Variants in SMG7 observed in about 807,000 individuals in gnomAD.
SMG7 encodes the protein nonsense-mediated mRNA decay factor SMG7.
A neutral mutation model predicts 148.2 loss-of-function variants in SMG7; 34 were observed. The ratio of observed to expected loss-of-function variants is 0.23; its 90% confidence interval spans 0.17 to 0.31. The LOEUF (loss-of-function observed/expected upper bound fraction) is 0.31, where lower values mean the gene tolerates loss of function less well. Among genes scored for constraint, SMG7 ranks in the 10% least tolerant of loss-of-function variants. The pLI is 1.00. For synonymous variants in SMG7, 492 were observed against 515.1 expected (o/e 0.96, Z 0.61); for missense variants, 1,114 against 1,408.4 (o/e 0.79, Z 3.35).
At chr1:183,513,369 CTT>C (rs1224170251) in intron 2 of SMG7, 16 of 122,716 alleles carry the variant, frequency 1.3e-4, no homozygotes, top group East Asian at 4.5e-4. Context: ...ATCTTTGTTA[CTT>C]TTTTTTTTTT....
In SMG7 at chr1:183,472,627, C is replaced by T; in HGVS notation, c.7C>T (p.Leu3=). Reference sequence around the variant, plus strand: ...GCGGCGGCGGCGGCGGAGGATGAGCCTGCAGAGCGCGCAGTACCTCCGGTG... The same window carrying T: ...GCGGCGGCGGCGGCGGAGGATGAGCTTGCAGAGCGCGCAGTACCTCCGGTG... The part of the protein sequence containing the change: MS[L]QSAQYLRQAE... Residue 3 remains leucine (L), a synonymous_variant, in exon 1 of 23, where the codon CTG becomes TTG. Coordinates refer to ENST00000688051, the MANE Select transcript of SMG7 (RefSeq NM_001375584.1). 6.8e-7 allele frequency: 1 copy of T among 1,464,752 alleles called. No homozygotes were observed. The highest frequency in any genetic ancestry group is 9.1e-7 in the Non-Finnish European group (1 of 1,098,088). The allele number at this position is 1,464,752 out of a possible 1,614,324, so 90.7% of individuals were successfully genotyped here. A position where few individuals can be genotyped will look rare whatever the true frequency, so the allele number is the denominator to read the frequency against.
At chr1:183,519,692 A>G (rs1664329472) in intron 4 of SMG7, among the ~76,000 whole-genome samples, 2 of 152,172 alleles carry the variant, frequency 1.3e-5, no homozygotes, top group Non-Finnish European at 2.9e-5. Flanking sequence ...TGCCACTTTA[A>G]TATATACTCT....
chr1:183,514,746 A>G lies in SMG7; in HGVS notation c.62-1128A>G, dbSNP rs565265473. Among the ~76,000 whole-genome samples, 11 of 152,334 alleles carry G rather than the reference A, an allele frequency of 7.2e-5. No homozygotes were observed. The East Asian group carries it at 1.5e-3, about 21-fold the overall frequency. ...CTTTTACACTTCTTTTTCTTGCCAT[A>G]AGTGAATTAAAGCAGGGTTGACTAA... On this transcript the variant is annotated intron_variant, in intron 2 of 22. Transcript: ENST00000688051.
intron 1 of SMG7, among the ~76,000 whole-genome samples, chr1:183,474,269 G>A (rs887475832): frequency 1.3e-5 from 2 of 152,194 alleles, no homozygotes; most frequent in African/African-American, 4.8e-5. Flanking sequence ...TACCATGAAA[G>A]ATACCAAACG....
intron 1 of SMG7, among the ~76,000 whole-genome samples, chr1:183,476,808 T>C (rs899449073): frequency 6.6e-6 from 1 of 152,130 alleles, no homozygotes; most frequent in Non-Finnish European, 1.5e-5. Flanking sequence ...CCGAATAACA[T>C]TGGGAATTTA....
At chr1:183,477,915 T>C (rs1306695679) in intron 1 of SMG7, among the ~76,000 whole-genome samples, 2 of 152,162 alleles carry the variant, frequency 1.3e-5, no homozygotes, top group Non-Finnish European at 2.9e-5. Flanking sequence ...GTTACTAATA[T>C]AACAGCCACA....
intron 1 of SMG7, among the ~76,000 whole-genome samples, chr1:183,490,049 T>C (rs1656554980): frequency 6.6e-6 from 1 of 152,204 alleles, no homozygotes; most frequent in Non-Finnish European, 1.5e-5. Context: ...GATCCAGGGC[T>C]AGTTTTTGAA....
chr1:183,494,055 A>T (rs2102238501), intron 1 of SMG7, among the ~76,000 whole-genome samples: 1 of 151,976 alleles, frequency 6.6e-6, no homozygotes, highest in African/African-American at 2.4e-5. Flanking sequence ...TGACACCATC[A>T]TGGCTCACTG....
intron 18 of SMG7, 102 bp downstream of exon 18, chr1:183,547,354 T>C: frequency 4.5e-6 from 5 of 1,118,128 alleles, no homozygotes; most frequent in Non-Finnish European, 6.2e-6. Flanking sequence ...CCTGGGGCTG[T>C]CCTTTTCAGA....
Position 183,545,964 on chromosome 1 carries a change from A to C in SMG7, c.2371-2A>C. 1 of 1,573,442 alleles carries C rather than the reference A, an allele frequency of 6.4e-7. No individual in the cohort carries two copies. The highest frequency in any genetic ancestry group is 8.6e-7 in the Non-Finnish European group (1 of 1,165,182). ...CCTTTATGACAGGCGTCTCTTTTTT[A>C]GTATCAACAGGCAGATGCCTCCAAA... On this transcript the variant is annotated splice_acceptor_variant, in intron 16 of 22. Transcript: ENST00000688051. LOFTEE classifies it high-confidence loss of function.
intron 1 of SMG7, among the ~76,000 whole-genome samples, chr1:183,475,245 A>G (rs191542667): frequency 6.6e-6 from 1 of 152,336 alleles, no homozygotes; most frequent in Admixed American, 6.5e-5. Flanking sequence ...ATGGGAGGAT[A>G]TATTATAGTA....
intron 1 of SMG7, among the ~76,000 whole-genome samples, chr1:183,485,107 A>G (rs532102666): frequency 2.0e-5 from 3 of 152,310 alleles, no homozygotes; most frequent in African/African-American, 7.2e-5. Context: ...GATGTATACT[A>G]TTATTGCTCT....
chr1:183,480,691 G>A (rs1389570805), intron 1 of SMG7, among the ~76,000 whole-genome samples: 2 of 152,154 alleles, frequency 1.3e-5, no homozygotes, highest in Non-Finnish European at 2.9e-5. Flanking sequence ...GTTCATACTG[G>A]CAGTGGTATA....
rs1394709591 is a variant in SMG7, at chr1:183,516,015, A to G, written c.179+24A>G. On this transcript the variant is annotated intron_variant, in intron 3 of 22. Transcript: ENST00000688051. ...CTGTAAGTATTACCTATCATTTGAG[A>G]AGTCCCTGTAAGATCAAGAATTTCA... The G allele has an allele frequency of 2.2e-6, 3 of 1,341,932 alleles. No homozygotes were observed. In the Admixed American group the frequency reaches 5.4e-5, roughly 24 times the overall value. 83.1% of individuals were successfully genotyped at this position (1,341,932 alleles called of 1,614,324 possible).
chr1:183,489,456 G>C (rs1656380937), intron 1 of SMG7, among the ~76,000 whole-genome samples: 1 of 152,060 alleles, frequency 6.6e-6, no homozygotes, highest in Non-Finnish European at 1.5e-5. Context: ...ACCTCCCTAA[G>C]GATGGTTAGA....
chr1:183,533,773 G>A lies in SMG7; in HGVS notation c.1104G>A (p.Met368Ile). 2 of 1,613,452 alleles carry A rather than the reference G, an allele frequency of 1.2e-6. No individual in the cohort carries two copies. The highest frequency in any genetic ancestry group is 1.7e-4 in the Middle Eastern group (1 of 6,050). ...AYPLPAVKVS[M>I]DWLRLRPRVF... ...CTCTTCCAGCAGTCAAGGTCTCCATGGACTGGCTAAGACTCAGACCCAGGG... is the reference window on the plus strand; with the variant it reads ...CTCTTCCAGCAGTCAAGGTCTCCATAGACTGGCTAAGACTCAGACCCAGGG... Residue 368 changes from methionine to isoleucine, a missense_variant, in exon 10 of 23, where the codon ATG (methionine) becomes ATA (isoleucine). Coordinates refer to ENST00000688051, the MANE Select transcript of SMG7 (RefSeq NM_001375584.1).
chr1:183,477,826 GTA>G (rs1009551878), intron 1 of SMG7, among the ~76,000 whole-genome samples: 1 of 152,060 alleles, frequency 6.6e-6, no homozygotes, highest in South Asian at 2.1e-4. Context: ...ACATATGTGT[GTA>G]TATATACATA....
At chr1:183,544,078 A>G (rs1669457753) in intron 14 of SMG7, among the ~76,000 whole-genome samples, 1 of 152,200 alleles carries the variant, frequency 6.6e-6, no homozygotes, top group Admixed American at 6.5e-5. Context: ...TCTCATTTGT[A>G]AAACAAATGG....
intron 4 of SMG7, among the ~76,000 whole-genome samples, chr1:183,523,002 G>C (rs1353930290): frequency 6.6e-6 from 1 of 151,896 alleles, no homozygotes; most frequent in Non-Finnish European, 1.5e-5. Context: ...TAACTTCTTA[G>C]CTACCATTTT....
Sources: allele counts gnomAD v4.1 joint callset (sites outside exome capture counted in the v4.1 genomes callset), GRCh38; gene constraint gnomAD v4.1.1; transcripts MANE v1.5; gene names NCBI Gene and HGNC (gene_info 2026-07-23, HGNC 2026-07-21).